Variants in DLGAP2 observed in about 807,000 individuals in gnomAD.
The protein encoded by DLGAP2 is disks large-associated protein 2.
A neutral mutation model predicts 100.3 loss-of-function variants in DLGAP2; 26 were observed. That is an observed-to-expected ratio of 0.26 (90% CI 0.19 to 0.36). The LOEUF is 0.36. Ranked by LOEUF, DLGAP2 falls within the 10% of genes least tolerant of loss-of-function variation. DLGAP2 has a pLI of 1.00. For missense variants in DLGAP2, 1,858 were observed against 1,453.2 expected, an observed-to-expected ratio of 1.28 and a Z score of -4.53; for synonymous variants, 886 against 630.1, an observed-to-expected ratio of 1.41 and a Z score of -6.08.
At chr8:1,419,153 C>G (rs1797020537) in intron 3 of DLGAP2, among the ~76,000 whole-genome samples, 1 of 152,176 alleles carries the variant, frequency 6.6e-6, no homozygotes, top group African/African-American at 2.4e-5. Context: ...TTTTAGTTGA[C>G]TCATAATAAT....
intron 3 of DLGAP2, among the ~76,000 whole-genome samples, chr8:1,283,341 C>T (rs1563060149): frequency 6.6e-6 from 1 of 152,260 alleles, no homozygotes; most frequent in Non-Finnish European, 1.5e-5. Flanking sequence ...ACCCAGCGCC[C>T]TGGATCTGTC....
intron 2 of DLGAP2, among the ~76,000 whole-genome samples, chr8:1,039,468 T>A (rs1290093670): frequency 2.0e-5 from 3 of 146,752 alleles, no homozygotes; most frequent in Non-Finnish European, 4.5e-5. Context: ...GTATGCATGT[T>A]CAGCTCGGTT....
chr8:1,431,712 C>T (rs138704887), intron 3 of DLGAP2, among the ~76,000 whole-genome samples: 2 of 152,296 alleles, frequency 1.3e-5, no homozygotes, highest in South Asian at 4.1e-4. Context: ...GGCTCCCGGG[C>T]TTACTCTCCT....
chr8:1,007,238 A>G (rs1330883887), intron 2 of DLGAP2, among the ~76,000 whole-genome samples: 1 of 152,164 alleles, frequency 6.6e-6, no homozygotes, highest in Non-Finnish European at 1.5e-5. Flanking sequence ...GGTCAGTCCC[A>G]CACTCTTCAC....
chr8:830,105 C>T (rs546035828), intron 1 of DLGAP2, among the ~76,000 whole-genome samples: 13 of 152,302 alleles, frequency 8.5e-5, no homozygotes, highest in African/African-American at 2.4e-4. Context: ...ATGTACCTAT[C>T]TGCCCTCTCA....
chr8:1,423,276 C>G (rs1053022254), intron 3 of DLGAP2, among the ~76,000 whole-genome samples: 1 of 152,022 alleles, frequency 6.6e-6, no homozygotes, highest in East Asian at 1.9e-4. Context: ...TTATCACTCC[C>G]TGACCCCAGG....
intron 3 of DLGAP2, among the ~76,000 whole-genome samples, chr8:1,493,189 T>C (rs17063983): frequency 0.097 from 14,698 of 152,228 alleles, 2,252 homozygotes; most frequent in African/African-American, 0.33. Flanking sequence ...GGAACCCAGA[T>C]GGCTGCCTTC....
intron 3 of DLGAP2, among the ~76,000 whole-genome samples, chr8:1,314,097 G>T (rs189397921): frequency 1.3e-5 from 2 of 152,138 alleles, no homozygotes; most frequent in African/African-American, 2.4e-5. Context: ...GACTTAATTA[G>T]ATATGTGAAA....
At chr8:1,109,946 C>T (rs1804893333) in intron 2 of DLGAP2, among the ~76,000 whole-genome samples, 1 of 52,246 alleles carries the variant, frequency 1.9e-5, no homozygotes, top group Non-Finnish European at 3.7e-5. Context: ...GTGCATAGGT[C>T]TGTGACGTGC....
intron 2 of DLGAP2, among the ~76,000 whole-genome samples, chr8:931,249 C>T (rs879576403): frequency 4.6e-5 from 7 of 152,246 alleles, no homozygotes; most frequent in East Asian, 3.9e-4. Flanking sequence ...GCAGCTGACA[C>T]GGGCCAGTTG....
At chr8:1,213,623 C>T (rs1798153142) in intron 2 of DLGAP2, among the ~76,000 whole-genome samples, 1 of 152,166 alleles carries the variant, frequency 6.6e-6, no homozygotes, top group Non-Finnish European at 1.5e-5. Flanking sequence ...AGCGTTCATG[C>T]ATTCCTTAGG....
intron 3 of DLGAP2, among the ~76,000 whole-genome samples, chr8:1,490,433 T>C (rs1240151610): frequency 6.6e-6 from 1 of 152,200 alleles, no homozygotes; most frequent in Non-Finnish European, 1.5e-5. Flanking sequence ...TCAAAGTGAA[T>C]ATTTTTTTAT....
At chr8:1,051,633 A>G (rs576534609) in intron 2 of DLGAP2, among the ~76,000 whole-genome samples, 247 of 152,338 alleles carry the variant, frequency 1.6e-3, no homozygotes, top group Non-Finnish European at 2.5e-3. Flanking sequence ...GGGGTCTTAA[A>G]TGGACTGATT....
chr8:774,012 G>A (rs1821440935), intron 1 of DLGAP2, among the ~76,000 whole-genome samples: 2 of 152,168 alleles, frequency 1.3e-5, no homozygotes, highest in South Asian at 2.1e-4. Flanking sequence ...AGCACCTGTT[G>A]TTTCCTCACT....
At chr8:1,216,227 G>C (rs113334274) in intron 2 of DLGAP2, among the ~76,000 whole-genome samples, 6 of 152,172 alleles carry the variant, frequency 3.9e-5, no homozygotes, top group African/African-American at 1.4e-4. Flanking sequence ...CAGGTCTCAC[G>C]TGAACTGAGG....
At chr8:1,453,728 A>G (rs1297793279) in intron 3 of DLGAP2, among the ~76,000 whole-genome samples, 1 of 152,238 alleles carries the variant, frequency 6.6e-6, no homozygotes, top group Non-Finnish European at 1.5e-5. Context: ...TCACGAGAGT[A>G]TGCACTTGCC....
rs73671208 is a variant in DLGAP2 at position 1,556,313 on chromosome 8, G to C, written c.1230+6630G>C. ...GAGGCTCTGCTCCTGTGGGTGTGCA[G>C]GTGGGCGGAGTCCTGCTCTGTCCTC... On this transcript the variant is annotated intron_variant, in intron 5 of 14. Transcript: ENST00000637795. Among the ~76,000 whole-genome samples, 1,319 of 152,284 alleles carry C rather than the reference G, an allele frequency of 8.7e-3. 27 individuals carry two copies. Among genetic ancestry groups the C allele is most frequent in the African/African-American group, 0.03 (1,265 of 41,548 alleles).
rs191867081 is a variant in DLGAP2, at chr8:1,597,616, T to C, written c.1443-29124T>C. Among the ~76,000 whole-genome samples, 779 of 152,306 alleles carry C rather than the reference T, an allele frequency of 5.1e-3. 5 individuals carry two copies. The highest frequency in any genetic ancestry group is 0.01 in the Middle Eastern group (3 of 294). ...GTAAGTTGGATTCCTAGGTATTTTA[T>C]TCTCTTTGTAGCAATTGTGAATGAG... On this transcript the variant is annotated intron_variant, in intron 6 of 14. Transcript: ENST00000637795.
intron 3 of DLGAP2, among the ~76,000 whole-genome samples, chr8:1,409,756 G>T (rs770595160): frequency 9.9e-5 from 15 of 152,156 alleles, no homozygotes; most frequent in South Asian, 2.1e-4. Flanking sequence ...AAAGAGGAAG[G>T]GAGGACCTCC....
Sources: allele counts gnomAD v4.1 joint callset (sites outside exome capture counted in the v4.1 genomes callset), GRCh38; gene constraint gnomAD v4.1.1; transcripts MANE v1.5; gene names NCBI Gene and HGNC (gene_info 2026-07-23, HGNC 2026-07-21).